VEZT: variants seen among roughly 807,000 people sequenced by gnomAD.
The protein encoded by VEZT is vezatin, adherens junctions transmembrane protein, also known as vezatin.
VEZT carries 39 observed loss-of-function variants against 79.9 expected under a neutral mutation model. That is an observed-to-expected ratio of 0.49 (90% confidence interval 0.38 to 0.64). VEZT has a LOEUF of 0.64. Among genes scored for constraint, VEZT ranks in the 30% least tolerant of loss-of-function variants. VEZT has a pLI of 0.00. For synonymous variants in VEZT, 325 were observed against 327.6 expected (o/e 0.99, Z 0.09); for missense variants, 837 against 893.1 (o/e 0.94, Z 0.80).
Position 95,262,928 on chromosome 12 carries a change from C to T in VEZT, c.281C>T (p.Ser94Leu), listed in dbSNP as rs189406048. ...HKLDIGFRLD[S>L]LHTILQQEVL... ...AAGGATATTGGATTCCGACTCGACT[C>T]ATTACATACCATCCTGCAACAGGAA... Residue 94 changes from serine to leucine, a missense_variant, in exon 4 of 12, where the codon TCA (serine) becomes TTA (leucine). Transcript: ENST00000436874. The T allele has an allele frequency of 6.6e-4, 1,053 of 1,606,322 alleles. 3 individuals are homozygous for T. The highest frequency in any genetic ancestry group is 1.1e-3 in the Admixed American group (67 of 59,738).
chr12:95,292,376 A>C (rs891902905), intron 9 of VEZT, among the ~76,000 whole-genome samples: 1 of 152,078 alleles, frequency 6.6e-6, no homozygotes, highest in African/African-American at 2.4e-5. Context: ...CTTTTCATTC[A>C]AAGAACTCGA....
intron 1 of VEZT, among the ~76,000 whole-genome samples, chr12:95,235,841 C>T (rs1288087966): frequency 1.1e-4 from 16 of 151,498 alleles, no homozygotes; most frequent in East Asian, 7.8e-4. Flanking sequence ...CGGGCAGAGA[C>T]GCTCCTCACA....
At chr12:95,270,791 G>A (rs2066437067) in intron 6 of VEZT, among the ~76,000 whole-genome samples, 1 of 152,120 alleles carries the variant, frequency 6.6e-6, no homozygotes. Context: ...AGCACCCAAA[G>A]ACTGCATGAC....
chr12:95,263,870 C>T (rs2065003580), intron 4 of VEZT: 1 of 151,974 alleles, frequency 6.6e-6, no homozygotes, highest in South Asian at 2.1e-4. Flanking sequence ...TCATTCAGAC[C>T]ATCCTAAAAC....
intron 9 of VEZT, chr12:95,293,692 G>C (rs574796636): frequency 6.5e-6 from 1 of 152,844 alleles, no homozygotes; most frequent in East Asian, 1.9e-4. Flanking sequence ...AGTACTTACA[G>C]AGTACCTGGT....
intron 1 of VEZT, among the ~76,000 whole-genome samples, chr12:95,231,978 A>G (rs1235718225): frequency 6.6e-6 from 1 of 152,216 alleles, no homozygotes; most frequent in Non-Finnish European, 1.5e-5. Flanking sequence ...ACTGCCTTTT[A>G]TAATTTGTTA....
chr12:95,282,113 A>G (rs981288288), intron 7 of VEZT, among the ~76,000 whole-genome samples, 200 bp from the exon 8 acceptor site: 12 of 152,104 alleles, frequency 7.9e-5, no homozygotes, highest in Admixed American at 7.9e-4. Flanking sequence ...TACCTGCTGT[A>G]TTGGAATCAG....
chr12:95,297,906 G>A (rs569356423), intron 11 of VEZT, among the ~76,000 whole-genome samples: 1 of 152,210 alleles, frequency 6.6e-6, no homozygotes, highest in East Asian at 1.9e-4. Flanking sequence ...GATCACTTGA[G>A]GTCAGGAGTT....
chr12:95,224,184 G>A (rs541219522), intron 1 of VEZT: 5 of 456,024 alleles, frequency 1.1e-5, no homozygotes, highest in African/African-American at 8.0e-5. Context: ...ATTTAGGTTC[G>A]GCCAGTGGGA....
At chr12:95,244,777 TG>T (rs1278518819) in intron 1 of VEZT, among the ~76,000 whole-genome samples, 4 of 140,786 alleles carry the variant, frequency 2.8e-5, no homozygotes, top group Admixed American at 6.9e-5. Flanking sequence ...TTTTTTGGTG[TG>T]TTTTTTTTTT....
intron 9 of VEZT, chr12:95,293,982 C>G (rs1006645997): frequency 3.6e-5 from 12 of 330,492 alleles, no homozygotes; most frequent in South Asian, 3.2e-4. Flanking sequence ...TTGATCTCCC[C>G]AGCTCAAGCG....
At chr12:95,255,775 G>C (rs1388550749) in intron 2 of VEZT, among the ~76,000 whole-genome samples, 1 of 152,052 alleles carries the variant, frequency 6.6e-6, no homozygotes, top group Non-Finnish European at 1.5e-5. Context: ...ATCATACCCT[G>C]CCAGTTTAGC....
chr12:95,234,560 G>T (rs1386158727), intron 1 of VEZT, among the ~76,000 whole-genome samples: 2 of 152,132 alleles, frequency 1.3e-5, no homozygotes, highest in Admixed American at 1.3e-4. Flanking sequence ...CTCCGAAAGT[G>T]CTGGGATTAC....
chr12:95,233,921 A>G (rs112127483), intron 1 of VEZT, among the ~76,000 whole-genome samples: 88 of 152,310 alleles, frequency 5.8e-4, no homozygotes, highest in African/African-American at 1.9e-3. Context: ...ATAGACTGGA[A>G]GCTTAGTGGT....
intron 1 of VEZT, among the ~76,000 whole-genome samples, chr12:95,226,956 A>G (rs1478833725): frequency 6.6e-6 from 1 of 152,234 alleles, no homozygotes; most frequent in Non-Finnish European, 1.5e-5. Flanking sequence ...GAAGGACAGT[A>G]TAACCTCAGT....
intron 11 of VEZT, chr12:95,296,496 GT>G: frequency 3.1e-6 from 1 of 319,036 alleles, no homozygotes; most frequent in Non-Finnish European, 5.6e-6. Flanking sequence ...TAGTAAATTT[GT>G]TTTAGAATGG....
At chr12:95,242,247 G>C (rs2061122200) in intron 1 of VEZT, 1 of 152,166 alleles carries the variant, frequency 6.6e-6, no homozygotes, top group Admixed American at 6.5e-5. Flanking sequence ...TGTAATCCCA[G>C]CACTTTGAGA....
chr12:95,237,360 A>G (rs554997420), intron 1 of VEZT, among the ~76,000 whole-genome samples: 47 of 152,278 alleles, frequency 3.1e-4, no homozygotes, highest in South Asian at 4.1e-4. Context: ...GTACTCAATA[A>G]ATGTTTAGTA....
chr12:95,270,411 G>A (rs749199102), intron 6 of VEZT, among the ~76,000 whole-genome samples: 1 of 152,076 alleles, frequency 6.6e-6, no homozygotes, highest in Non-Finnish European at 1.5e-5. Flanking sequence ...TTTTAAACAA[G>A]GAAAAAACTT....
Sources: gnomAD v4.1 joint callset for allele counts (sites outside exome capture counted in the v4.1 genomes callset) on GRCh38, gnomAD v4.1.1 for gene constraint, MANE v1.5 for transcripts, NCBI Gene and HGNC (gene_info 2026-07-23, HGNC 2026-07-21) for gene names.